The following UBE2G1 variants were observed in gnomAD, a reference collection of about 807,000 sequenced individuals.
UBE2G1 encodes ubiquitin-conjugating enzyme E2 G1.
Under a neutral mutation model 22.7 loss-of-function variants are expected in UBE2G1, and 5 were observed. That is an observed-to-expected ratio of 0.22 (90% CI 0.12 to 0.46). The LOEUF (loss-of-function observed/expected upper bound fraction) is 0.46. Ranked by LOEUF, UBE2G1 falls within the 20% of genes least tolerant of loss-of-function variation. The pLI is 0.99. For synonymous variants in UBE2G1, 74 were observed against 67.5 expected, an observed-to-expected ratio of 1.10 and a Z score of -0.47; for missense variants, 88 against 203.9, an observed-to-expected ratio of 0.43 and a Z score of 3.46.
intron 3 of UBE2G1, among the ~76,000 whole-genome samples, chr17:4,289,644 T>C (rs1969010387): frequency 6.6e-6 from 1 of 152,212 alleles, no homozygotes; most frequent in Admixed American, 6.5e-5. Flanking sequence ...TCTTTTTCAT[T>C]TATGTAAAAC....
chr17:4,308,537 A>C (rs565147483), intron 1 of UBE2G1, among the ~76,000 whole-genome samples: 10 of 152,284 alleles, frequency 6.6e-5, no homozygotes, highest in South Asian at 4.1e-4. Context: ...AAAGAAAAAA[A>C]ACACACACAC....
Position 4,280,054 on chromosome 17 carries a change from G to A in UBE2G1, c.*37+2744C>T, listed in dbSNP as rs1466018151. 3.4e-5 allele frequency among the ~76,000 whole-genome samples: 3 copies of A among 89,270 alleles called. No individual in the cohort carries two copies. The Admixed American group carries it at 3.7e-4, about 11-fold the overall frequency. The allele number at this position is 89,270 out of a possible 152,430, so 58.6% of individuals were successfully genotyped here. ...TAGATAGACTTTTTTTTTTTTTTTT[G>A]AGATGAAGTCTCACTCTGTAGCCCA... On this transcript the variant is annotated intron_variant, in intron 5 of 5. Transcript: ENST00000396981.
At chr17:4,358,402 A>G (rs904659223) in intron 1 of UBE2G1, among the ~76,000 whole-genome samples, 2 of 151,964 alleles carry the variant, frequency 1.3e-5, no homozygotes, top group Non-Finnish European at 2.9e-5. Context: ...AGTAGCTGAA[A>G]CTACAGATGA....
At chr17:4,363,022 C>A (rs1296289721) in intron 1 of UBE2G1, among the ~76,000 whole-genome samples, 1 of 151,976 alleles carries the variant, frequency 6.6e-6, no homozygotes, top group Non-Finnish European at 1.5e-5. Context: ...ACTCTGAGGC[C>A]GAGGCAGGAG....
rs1969429817 is a variant in UBE2G1, at chr17:4,320,930, A to G, written c.47-13807T>C. 2.0e-5 allele frequency among the ~76,000 whole-genome samples: 3 copies of G among 152,186 alleles called. No homozygotes were observed. In the South Asian group the frequency reaches 6.2e-4, roughly 31 times the overall value. On this transcript the variant is annotated intron_variant, in intron 1 of 5. Coordinates refer to ENST00000396981, the MANE Select transcript of UBE2G1 (RefSeq NM_003342.5). The stretch of plus-strand genomic sequence containing the variant: ...TGAGCTGAGAGGAGTGAAAAAAACA[A>G]AAAGTAAAAAAAAGAAATTATGAAT...
intron 1 of UBE2G1, among the ~76,000 whole-genome samples, chr17:4,340,903 AAAAAAAAAAC>A (rs1360517245): frequency 6.6e-6 from 1 of 150,478 alleles, no homozygotes; most frequent in Non-Finnish European, 1.5e-5. Context: ...TTAAAAAAAA[AAAAAAAAAAC>A]AAAACCTTCA....
At chr17:4,303,999 G>C (rs945401448) in intron 2 of UBE2G1, among the ~76,000 whole-genome samples, 1 of 152,132 alleles carries the variant, frequency 6.6e-6, no homozygotes, top group Non-Finnish European at 1.5e-5. Context: ...ATGATACAGT[G>C]ATATCCAGGT....
intron 1 of UBE2G1, among the ~76,000 whole-genome samples, chr17:4,329,416 G>A (rs951957781): frequency 6.6e-6 from 1 of 151,544 alleles, no homozygotes; most frequent in Non-Finnish European, 1.5e-5. Context: ...AAATTAGCCG[G>A]GCATGGTGGC....
intron 4 of UBE2G1, among the ~76,000 whole-genome samples, chr17:4,288,910 C>T (rs1318357997): frequency 6.6e-6 from 1 of 152,012 alleles, no homozygotes; most frequent in African/African-American, 2.4e-5. Flanking sequence ...CATGGTGGCT[C>T]ACACATGTAA....
intron 2 of UBE2G1, among the ~76,000 whole-genome samples, chr17:4,305,183 G>C (rs890123956): frequency 6.6e-6 from 1 of 152,040 alleles, no homozygotes; most frequent in African/African-American, 2.4e-5. Flanking sequence ...TCCAACTCTC[G>C]ACCTCAGGTG....
chr17:4,343,940 A>G (rs1190512035), intron 1 of UBE2G1, among the ~76,000 whole-genome samples: 1 of 152,102 alleles, frequency 6.6e-6, no homozygotes, highest in East Asian at 1.9e-4. Context: ...ATTTCTCCTC[A>G]GTTGCAACAG....
At position 4,269,995 on chromosome 17, in the gene UBE2G1, C is replaced by T. The variant is rs1043868826; in HGVS notation, c.*2559G>A. The T allele has an allele frequency of 1.3e-5, 2 of 152,562 alleles. No individual in the cohort carries two copies. The highest frequency in any genetic ancestry group is 4.8e-5 in the African/African-American group (2 of 41,420). 9.5% of individuals were successfully genotyped at this position (152,562 alleles called of 1,614,324 possible). A position where few individuals can be genotyped will look rare whatever the true frequency, so the allele number is the denominator to read the frequency against. ...TATCAGATGAACACTGAGAAAGGCACAGATGACATCTCCGACAGAGGAAGG... is the reference window on the plus strand; with the variant it reads ...TATCAGATGAACACTGAGAAAGGCATAGATGACATCTCCGACAGAGGAAGG... On this transcript the variant is annotated 3_prime_UTR_variant, in exon 6 of 6. Transcript: ENST00000396981.
chr17:4,363,242 T>C (rs1375236478), intron 1 of UBE2G1, among the ~76,000 whole-genome samples: 1 of 152,184 alleles, frequency 6.6e-6, no homozygotes, highest in Admixed American at 6.5e-5. Context: ...TTTGTACATT[T>C]TGAGCATGTT....
chr17:4,348,328 C>T (rs969690406), intron 1 of UBE2G1, among the ~76,000 whole-genome samples: 16 of 148,830 alleles, frequency 1.1e-4, no homozygotes, highest in East Asian at 4.1e-4. Flanking sequence ...CCGAGGCGGG[C>T]GGATCACGAG....
At position 4,347,469 on chromosome 17, in the gene UBE2G1, C is replaced by CTT. The variant is rs34014821; in HGVS notation, c.46+18800_46+18801dup. The stretch of plus-strand genomic sequence containing the variant: ...TTCGGTAATTCTCACAGTATTTCTT[C>CTT]TTTTTTTTTTTTTTTTTTTTTTGGA... On this transcript the variant is annotated intron_variant, in intron 1 of 5. Coordinates refer to ENST00000396981, the MANE Select transcript of UBE2G1 (RefSeq NM_003342.5). Among the ~76,000 whole-genome samples, 605 of 89,484 alleles carry CTT rather than the reference C, an allele frequency of 6.8e-3. 26 individuals are homozygous for CTT. The highest frequency in any genetic ancestry group is 0.039 in the Middle Eastern group (4 of 102). 58.7% of individuals were successfully genotyped at this position (89,484 alleles called of 152,430 possible). A position where few individuals can be genotyped will look rare whatever the true frequency, so the allele number is the denominator to read the frequency against.
intron 1 of UBE2G1, among the ~76,000 whole-genome samples, chr17:4,326,670 G>A (rs1034609212): frequency 2.0e-5 from 3 of 152,160 alleles, no homozygotes; most frequent in East Asian, 1.9e-4. Flanking sequence ...CAGTCAAAAC[G>A]TGGAAACAAC....
chr17:4,329,553 CAA>C (rs879347804), intron 1 of UBE2G1, among the ~76,000 whole-genome samples: 3 of 132,944 alleles, frequency 2.3e-5, no homozygotes, highest in Admixed American at 7.5e-5. Context: ...GACTCTGTCT[CAA>C]AAAAAAAAAA....
rs369206912 is a variant in UBE2G1 at position 4,276,953 on chromosome 17, A to G, written c.*38-4437T>C. 3.9e-5 allele frequency among the ~76,000 whole-genome samples: 6 copies of G among 152,308 alleles called. No individual in the cohort carries two copies. The South Asian group carries it at 8.3e-4, about 21-fold the overall frequency. On this transcript the variant is annotated intron_variant, in intron 5 of 5. Coordinates refer to ENST00000396981, the MANE Select transcript of UBE2G1 (RefSeq NM_003342.5). ...TGTACCAACCCAACTCCACCCGTCTAATCCACTAGTCACTGAATGCAGGTA... is the reference window on the plus strand; with the variant it reads ...TGTACCAACCCAACTCCACCCGTCTGATCCACTAGTCACTGAATGCAGGTA...
intron 2 of UBE2G1, 146 bp downstream of exon 2, chr17:4,306,875 C>T (rs1969254513): frequency 7.1e-6 from 4 of 565,236 alleles, no homozygotes; most frequent in Non-Finnish European, 9.3e-6. Context: ...TGGTCTCGAA[C>T]TCCTGACCTC....
Sources: gnomAD v4.1 joint callset for allele counts (sites outside exome capture counted in the v4.1 genomes callset) on GRCh38, gnomAD v4.1.1 for gene constraint, MANE v1.5 for transcripts, NCBI Gene and HGNC (gene_info 2026-07-23, HGNC 2026-07-21) for gene names.